The following DELE1 variants were observed in gnomAD, a reference collection of about 807,000 sequenced individuals.
DELE1 encodes the protein death ligand signal enhancer.
Under a neutral mutation model 59.3 loss-of-function variants are expected in DELE1, and 54 were observed. The observed-to-expected ratio is 0.91, with a 90% CI of 0.73 to 1.14. The LOEUF is 1.14. DELE1 is among the 50% of genes most tolerant of loss of function. The pLI, the probability that DELE1 is intolerant of heterozygous loss-of-function variation, is 0.00. For synonymous variants in DELE1, 264 were observed against 259.1 expected (o/e 1.02, Z -0.18); for missense variants, 636 against 643.9 (o/e 0.99, Z 0.13).
In DELE1 at chr5:141,940,673, C is replaced by G; in HGVS notation, c.*1914C>G. 1 of 984,298 alleles carries G rather than the reference C, an allele frequency of 1.0e-6. No homozygotes were observed. The highest frequency in any genetic ancestry group is 1.2e-6 in the Non-Finnish European group (1 of 828,706). 61.0% of individuals were successfully genotyped at this position (984,298 alleles called of 1,614,324 possible). On this transcript the variant is annotated 3_prime_UTR_variant, in exon 12 of 12. Coordinates refer to ENST00000432126, the MANE Select transcript of DELE1 (RefSeq NM_014773.5). ...TCCCTGCCTCCTTTTCAGGGCTGCC[C>G]TGCACACTGGCTCACCACTGTTGGA...
intron 3 of DELE1, among the ~76,000 whole-genome samples, chr5:141,926,533 A>G (rs1699547822): frequency 6.6e-6 from 1 of 152,220 alleles, no homozygotes; most frequent in African/African-American, 2.4e-5. Flanking sequence ...AGTTCTGCTT[A>G]TAAGATCTTC....
chr5:141,934,122 C>T, intron 8 of DELE1, 118 bp from the exon 9 acceptor site: 1 of 776,214 alleles, frequency 1.3e-6, no homozygotes, highest in Non-Finnish European at 1.8e-6. Context: ...TCTGAATTTT[C>T]TGACTAGTCT....
At chr5:141,931,486 C>G (rs569663931) in intron 7 of DELE1, among the ~76,000 whole-genome samples, 4 of 152,256 alleles carry the variant, frequency 2.6e-5, no homozygotes, top group Admixed American at 2.0e-4. Flanking sequence ...CCAAAGATCT[C>G]TCTGGCTGCC....
rs1205451225 is a variant in DELE1 at position 141,936,821 on chromosome 5, C to T, written c.1150-377C>T. The T allele has an allele frequency of 6.3e-6, 6 of 959,026 alleles. No individual in the cohort carries two copies. The Admixed American group carries it at 3.7e-4, about 59-fold the overall frequency. 59.4% of individuals were successfully genotyped at this position (959,026 alleles called of 1,614,324 possible). A position where few individuals can be genotyped will look rare whatever the true frequency, so the allele number is the denominator to read the frequency against. On this transcript the variant is annotated intron_variant, in intron 10 of 11. Transcript: ENST00000432126. ...GGAAGGCACAGGGCCTTTGGGAAGA[C>T]AACCCTCCACCTTCGCCTCCTTGCT...
intron 7 of DELE1, among the ~76,000 whole-genome samples, chr5:141,931,020 CAAT>C (rs1254696181): frequency 3.9e-5 from 6 of 152,068 alleles, no homozygotes; most frequent in Non-Finnish European, 8.8e-5. Context: ...AGCAGAAAAA[CAAT>C]AATTGAGAAA....
intron 7 of DELE1, 121 bp downstream of exon 7, chr5:141,930,395 G>C: frequency 1.4e-6 from 1 of 701,738 alleles, no homozygotes; most frequent in Non-Finnish European, 2.4e-6. Flanking sequence ...CTCCCAGGTA[G>C]GTAGACCAAA....
intron 10 of DELE1, 164 bp from the exon 11 acceptor site, chr5:141,937,034 C>A: frequency 6.7e-7 from 1 of 1,493,688 alleles, no homozygotes; most frequent in Non-Finnish European, 8.9e-7. Context: ...GAGCCTCTGG[C>A]ATTTCGTAGT....
intron 10 of DELE1, among the ~76,000 whole-genome samples, chr5:141,936,374 G>A (rs1752353020): frequency 6.6e-6 from 1 of 152,198 alleles, no homozygotes; most frequent in Non-Finnish European, 1.5e-5. Context: ...ATAGTTCTCA[G>A]AGAGAGGAGA....
Position 141,928,359 on chromosome 5 carries a change from G to A in DELE1, c.412+61G>A, listed in dbSNP as rs568900775. On this transcript the variant is annotated intron_variant, in intron 4 of 11. Transcript: ENST00000432126. ...TGGGCGTTTCTCTGGGCCAGGAAGC[G>A]TCTCTGGACACACCTCAGGAAAAGA... The A allele has an allele frequency of 5.7e-4, 887 of 1,547,608 alleles. 6 individuals carry two copies. Among genetic ancestry groups the A allele is most frequent in the South Asian group, 4.3e-3 (357 of 82,728 alleles).
intron 7 of DELE1, among the ~76,000 whole-genome samples, chr5:141,932,278 G>C (rs1204375145): frequency 6.6e-6 from 1 of 152,086 alleles, no homozygotes; most frequent in Non-Finnish European, 1.5e-5. Context: ...CTTTTTGTTT[G>C]GGCAATGAAA....
intron 10 of DELE1, 122 bp downstream of exon 10, chr5:141,934,708 C>G: frequency 1.1e-6 from 1 of 941,444 alleles, no homozygotes; most frequent in Non-Finnish European, 1.6e-6. Context: ...GGCCTGGCTT[C>G]AAGCCTTAGC....
chr5:141,937,669 G>A (rs1219623078), intron 11 of DELE1, among the ~76,000 whole-genome samples: 1 of 149,556 alleles, frequency 6.7e-6, no homozygotes, highest in African/African-American at 2.5e-5. Context: ...TACTCGGGAG[G>A]CTGAGGCAGG....
At position 141,929,595 on chromosome 5, in the gene DELE1, C is replaced by T. The variant is rs114907095; in HGVS notation, c.426C>T (p.His142=). ...LWHPCSSLRQ[H]ILPSPDGPAP... Reference sequence around the variant, plus strand: ...GGCTCTTTCCAGCACTGCGACAACACATCCTCCCCAGCCCCGATGGCCCAG... The same window carrying T: ...GGCTCTTTCCAGCACTGCGACAACATATCCTCCCCAGCCCCGATGGCCCAG... Residue 142 remains histidine, a synonymous_variant, in exon 5 of 12, where the codon CAC becomes CAT. Coordinates refer to ENST00000432126, the MANE Select transcript of DELE1 (RefSeq NM_014773.5). The T allele has an allele frequency of 9.6e-5, 155 of 1,613,822 alleles. 1 individual carries two copies. In the African/African-American group the frequency reaches 1.6e-3, roughly 17 times the overall value.
rs1335337067 is a variant in DELE1 at position 141,930,244 on chromosome 5, C to G, written c.724C>G (p.Leu242Val). ...AVTSIQQLFQLSVSIAFNFLG... is the reference protein window; with the variant it reads ...AVTSIQQLFQVSVSIAFNFLG... ...GACTTCCATTCAGCAGCTCTTCCAGCTCAGTGTTTCCATCGCTTTCAACTT... is the reference window on the plus strand; with the variant it reads ...GACTTCCATTCAGCAGCTCTTCCAGGTCAGTGTTTCCATCGCTTTCAACTT... The change falls in exon 7 of 12, where the codon CTC (leucine) becomes GTC (valine). Residue 242 changes from leucine to valine, a missense_variant. Transcript: ENST00000432126. 11 of 1,613,680 alleles carry G rather than the reference C, an allele frequency of 6.8e-6. No individual in the cohort carries two copies. Among genetic ancestry groups the G allele is most frequent in the Non-Finnish European group, 9.3e-6 (11 of 1,179,676 alleles).
chr5:141,924,123 C>A (rs13183994), intron 1 of DELE1, 151 bp downstream of exon 1: 14 of 1,039,302 alleles, frequency 1.3e-5, no homozygotes, highest in Non-Finnish European at 1.6e-5. Flanking sequence ...TCAGGGGCTG[C>A]TGGAATTTGA....
Position 141,934,414 on chromosome 5 carries a change from A to C in DELE1, c.1056+16A>C, listed in dbSNP as rs748373932. On this transcript the variant is annotated intron_variant, in intron 9 of 11. Coordinates refer to ENST00000432126, the MANE Select transcript of DELE1 (RefSeq NM_014773.5). ...CTTGAGAGAGGTGAGTGCCATTGGCAGGGTCTGTTCAAGGTCTCTGAGGCC... is the reference window on the plus strand; with the variant it reads ...CTTGAGAGAGGTGAGTGCCATTGGCCGGGTCTGTTCAAGGTCTCTGAGGCC... The C allele has an allele frequency of 6.2e-7, 1 of 1,614,236 alleles. No individual in the cohort carries two copies. The highest frequency in any genetic ancestry group is 8.5e-7 in the Non-Finnish European group (1 of 1,180,032).
At position 141,929,702 on chromosome 5, in the gene DELE1, C is replaced by G. The variant is rs756799409; in HGVS notation, c.533C>G (p.Ser178Cys). Residue 178 changes from serine to cysteine, a missense_variant, in exon 5 of 12, where the codon TCT becomes TGT. Ser to Cys is a moderately radical substitution (Grantham distance 112). Transcript: ENST00000432126. ...CAGCCCCGGAACTTCTCACACAACTCTTTGAGAGGAGCTCGTCCTCAGGAC... is the reference window on the plus strand; with the variant it reads ...CAGCCCCGGAACTTCTCACACAACTGTTTGAGAGGAGCTCGTCCTCAGGAC... ...SAQPRNFSHNSLRGARPQDPS... is the reference protein window; with the variant it reads ...SAQPRNFSHNCLRGARPQDPS... The G allele has an allele frequency of 1.9e-6, 3 of 1,614,220 alleles. No individual in the cohort carries two copies. Among genetic ancestry groups the G allele is most frequent in the Non-Finnish European group, 2.5e-6 (3 of 1,180,042 alleles).
In DELE1 at chr5:141,930,235, C is replaced by T; in HGVS notation, c.715C>T (p.Leu239Phe). 1 of 1,613,878 alleles carries T rather than the reference C, an allele frequency of 6.2e-7. No homozygotes were observed. Among genetic ancestry groups the T allele is most frequent in the Non-Finnish European group, 8.5e-7 (1 of 1,179,748 alleles). ...GGAGGCTGTGACTTCCATTCAGCAG[C>T]TCTTCCAGCTCAGTGTTTCCATCGC... ...LEEAVTSIQQ[L>F]FQLSVSIAFN... is the part of the protein sequence containing the mutation. The change falls in exon 7 of 12, where the codon CTC becomes TTC. Residue 239 changes from leucine (L) to phenylalanine (F), a missense_variant. Coordinates refer to ENST00000432126, the MANE Select transcript of DELE1 (RefSeq NM_014773.5).
At position 141,930,054 on chromosome 5, in the gene DELE1, C is replaced by G. The variant is rs780951057; in HGVS notation, c.637C>G (p.Pro213Ala). 7 of 1,614,084 alleles carry G rather than the reference C, an allele frequency of 4.3e-6. No individual in the cohort carries two copies. Among genetic ancestry groups the G allele is most frequent in the African/African-American group, 1.3e-5 (1 of 74,920 alleles). Residue 213 changes from proline (P) to alanine (A), a missense_variant, in exon 6 of 12, where the codon CCT (proline) becomes GCT (alanine). Coordinates refer to ENST00000432126, the MANE Select transcript of DELE1 (RefSeq NM_014773.5). ...SIESEAKPAQ[P>A]QPTGEKEQDK... ...CGAGTCCGAGGCAAAACCAGCCCAG[C>G]CTCAGCCCACTGGTGAAAAGGTATT...
Sources: gnomAD v4.1 joint callset for allele counts (sites outside exome capture counted in the v4.1 genomes callset) on GRCh38, gnomAD v4.1.1 for gene constraint, MANE v1.5 for transcripts, NCBI Gene and HGNC (gene_info 2026-07-23, HGNC 2026-07-21) for gene names.